Variants in PDS5A observed in about 807,000 individuals in gnomAD.
The protein encoded by PDS5A is PDS5 cohesin associated factor A.
In PDS5A, 42 loss-of-function variants were observed where a neutral mutation model predicts 167.1. The ratio of observed to expected loss-of-function variants is 0.25; its 90% CI spans 0.20 to 0.33. The LOEUF is 0.33. Among genes scored for constraint, PDS5A ranks in the 10% least tolerant of loss-of-function variants. PDS5A has a pLI of 1.00. For missense variants in PDS5A, 1,033 were observed against 1,605.9 expected, an observed-to-expected ratio of 0.64 and a Z score of 6.10; for synonymous variants, 553 against 554.6, an observed-to-expected ratio of 1.00 and a Z score of 0.04.
intron 2 of PDS5A, among the ~76,000 whole-genome samples, chr4:39,943,488 T>C (rs973773289): frequency 6.6e-6 from 1 of 151,816 alleles, no homozygotes; most frequent in Middle Eastern, 3.2e-3. Context: ...AATTCTATTT[T>C]AAAGATCCAT....
intron 17 of PDS5A, among the ~76,000 whole-genome samples, chr4:39,889,903 T>C (rs1023336085): frequency 2.0e-5 from 3 of 152,210 alleles, no homozygotes; most frequent in Non-Finnish European, 4.4e-5. Flanking sequence ...TACTACAGAA[T>C]ATTACAGGGC....
chr4:39,922,826 C>T (rs1464411104), intron 5 of PDS5A, 78 bp from the exon 6 acceptor site: 5 of 1,339,450 alleles, frequency 3.7e-6, no homozygotes, highest in East Asian at 2.5e-5. Flanking sequence ...GGAAATTAAA[C>T]GTCCTAGTTT....
chr4:39,913,520 A>C, intron 9 of PDS5A, 91 bp downstream of exon 9: 1 of 670,260 alleles, frequency 1.5e-6, no homozygotes, highest in South Asian at 1.9e-5. Flanking sequence ...TCTATTAATG[A>C]AAGTTTTGAT....
intron 28 of PDS5A, 115 bp downstream of exon 28, chr4:39,848,736 C>A: frequency 2.2e-6 from 2 of 908,950 alleles, no homozygotes; most frequent in South Asian, 3.1e-5. Flanking sequence ...TTGATAAACC[C>A]AGATTTTTTC....
Position 39,926,866 on chromosome 4 carries a change from T to TAAA in PDS5A, c.343-8_343-6dup. On this transcript the variant is annotated splice_polypyrimidine_tract_variant and splice_region_variant and intron_variant, in intron 3 of 32. Coordinates refer to ENST00000303538, the MANE Select transcript of PDS5A (RefSeq NM_001100399.2). ...GGTAATAAACAAAAATATGTCCTGTTAAAAAAAAAAACACATTAATTTAGA... is the reference window on the plus strand; with the variant it reads ...GGTAATAAACAAAAATATGTCCTGTTAAAAAAAAAAAAAACACATTAATTTAGA... 13 of 1,179,594 alleles carry TAAA rather than the reference T, an allele frequency of 1.1e-5. No individual in the cohort carries two copies. Among genetic ancestry groups the TAAA allele is most frequent in the South Asian group, 5.6e-5 (3 of 53,810 alleles). The allele number at this position is 1,179,594 out of a possible 1,614,324, so 73.1% of individuals were successfully genotyped here. A position where few individuals can be genotyped will look rare whatever the true frequency, so the allele number is the denominator to read the frequency against.
intron 31 of PDS5A, among the ~76,000 whole-genome samples, chr4:39,839,134 C>T (rs1392912807): frequency 1.3e-5 from 2 of 152,104 alleles, no homozygotes; most frequent in African/African-American, 2.4e-5. Context: ...TAATTTTACA[C>T]AAGGATCCCA....
At chr4:39,946,219 AAAAG>A (rs1413242300) in intron 2 of PDS5A, among the ~76,000 whole-genome samples, 14 of 150,952 alleles carry the variant, frequency 9.3e-5, no homozygotes, top group Non-Finnish European at 1.0e-4. Context: ...TAAAAAAAAA[AAAAG>A]AAAGAAAAAA....
intron 2 of PDS5A, among the ~76,000 whole-genome samples, chr4:39,963,183 C>T (rs1035836030): frequency 1.1e-4 from 16 of 151,998 alleles, no homozygotes; most frequent in African/African-American, 3.9e-4. Context: ...AGGCCAGGCA[C>T]AGTGGCTCAC....
intron 30 of PDS5A, among the ~76,000 whole-genome samples, chr4:39,843,127 G>C (rs572202917): frequency 5.3e-4 from 80 of 150,820 alleles, no homozygotes; most frequent in African/African-American, 2.0e-3. Flanking sequence ...ATCCTTCCTC[G>C]GCCTCCCAAA....
At chr4:39,908,708 G>A (rs1723607567) in intron 10 of PDS5A, 168 bp from the exon 11 acceptor site, 5 of 586,700 alleles carry the variant, frequency 8.5e-6, no homozygotes, top group Non-Finnish European at 6.0e-6. Flanking sequence ...GTACTCTACT[G>A]TAATCACAAA....
At chr4:39,927,852 G>A in intron 3 of PDS5A, 109 bp downstream of exon 3, 1 of 723,664 alleles carries the variant, frequency 1.4e-6, no homozygotes, top group Non-Finnish European at 2.2e-6. Flanking sequence ...TTAAGATGAA[G>A]AGACTAATAT....
intron 19 of PDS5A, among the ~76,000 whole-genome samples, chr4:39,875,426 A>G (rs1223577701): frequency 6.6e-6 from 1 of 152,178 alleles, no homozygotes; most frequent in Non-Finnish European, 1.5e-5. Context: ...AAAACGAAAC[A>G]AACATTTAAG....
At chr4:39,902,817 C>T (rs1252959730) in intron 12 of PDS5A, among the ~76,000 whole-genome samples, 1 of 152,172 alleles carries the variant, frequency 6.6e-6, no homozygotes, top group Non-Finnish European at 1.5e-5. Flanking sequence ...TGAGGCACCA[C>T]ACCCAGCCAA....
chr4:39,906,273 T>A (rs1723331762), intron 11 of PDS5A, among the ~76,000 whole-genome samples: 1 of 151,406 alleles, frequency 6.6e-6, no homozygotes, highest in South Asian at 2.1e-4. Context: ...GAGACTGAGG[T>A]GGGAGGATCG....
At chr4:39,892,243 C>T (rs932948065) in intron 16 of PDS5A, among the ~76,000 whole-genome samples, 3 of 152,268 alleles carry the variant, frequency 2.0e-5, no homozygotes, top group Admixed American at 6.5e-5. Context: ...GTTTTGAGAC[C>T]AGCCTGACCA....
rs761175907 is a variant in PDS5A, at chr4:39,874,399, T to C, written c.2167A>G (p.Ile723Val). Residue 723 changes from isoleucine to valine, a missense_variant, in exon 20 of 33, where the codon ATT (isoleucine) becomes GTT (valine). Ile to Val is a conservative substitution (Grantham distance 29). Transcript: ENST00000303538. Reference sequence around the variant, plus strand: ...CCCCTCTTTGCTTTTTGATGTAAAATGGGAATTAAGGTCCTGCAAAAAATA... The same window carrying C: ...CCCCTCTTTGCTTTTTGATGTAAAACGGGAATTAAGGTCCTGCAAAAAATA... ...LPQIRSTLIP[I>V]LHQKAKRGTP... 13 of 1,612,920 alleles carry C rather than the reference T, an allele frequency of 8.1e-6. No homozygotes were observed. In the South Asian group the frequency reaches 1.4e-4, roughly 18 times the overall value.
intron 19 of PDS5A, 48 bp downstream of exon 19, chr4:39,876,945 C>CA (rs779201022): frequency 7.3e-7 from 1 of 1,373,938 alleles, no homozygotes; most frequent in South Asian, 1.3e-5. Context: ...TTATGGTTCC[C>CA]ATACTTAGAA....
chr4:39,886,139 A>C (rs1721455158), intron 17 of PDS5A, among the ~76,000 whole-genome samples: 1 of 152,146 alleles, frequency 6.6e-6, no homozygotes, highest in Non-Finnish European at 1.5e-5. Context: ...AAAAAGCACC[A>C]ATATGTATCT....
In PDS5A at chr4:39,977,206, C is replaced by G. The variant is rs1455791085; in HGVS notation, c.-41+251G>C. 6.6e-6 allele frequency among the ~76,000 whole-genome samples: 1 copy of G among 152,096 alleles called. No homozygotes were observed. The highest frequency in any genetic ancestry group is 2.4e-5 in the African/African-American group (1 of 41,446). On this transcript the variant is annotated intron_variant, in intron 1 of 32. Coordinates refer to ENST00000303538, the MANE Select transcript of PDS5A (RefSeq NM_001100399.2). This position sits in a 1 kb window ranked among gnomAD's most constrained non-coding sequence, Gnocchi z 4.2. ...GGAGGGGAAAACAAGCCGCCCTCCA[C>G]CCTCAGCCCCACGCCAGGAAGCGGC...
Sources: allele counts gnomAD v4.1 joint callset (sites outside exome capture counted in the v4.1 genomes callset), GRCh38; gene constraint gnomAD v4.1.1; non-coding constraint Gnocchi (gnomAD v3.1); transcripts MANE v1.5; gene names NCBI Gene and HGNC (gene_info 2026-07-23, HGNC 2026-07-21).